Variants in VPS45 observed in about 807,000 individuals in gnomAD.
VPS45 encodes the protein vacuolar protein sorting 45 homolog, also known as vacuolar protein sorting-associated protein 45.
VPS45 carries 35 observed loss-of-function variants against 75.9 expected under a neutral mutation model. The observed-to-expected ratio is 0.46, with a 90% CI of 0.35 to 0.61. VPS45 has a LOEUF of 0.61. Among genes scored for constraint, VPS45 ranks in the 20% least tolerant of loss-of-function variants. The probability of loss-of-function intolerance (pLI) is 0.00; values close to 1 mark genes in which losing one functional copy is unlikely to be tolerated. For synonymous variants in VPS45, 220 were observed against 238.2 expected (o/e 0.92, Z 0.70); for missense variants, 559 against 685.9 (o/e 0.81, Z 2.07).
chr1:150,082,644 C>A, intron 9 of VPS45, 72 bp from the exon 10 acceptor site: 1 of 1,530,772 alleles, frequency 6.5e-7, no homozygotes. Context: ...CTTTCCCCAA[C>A]CCCCATTCAG....
chr1:150,081,346 C>A lies in VPS45; in HGVS notation c.692C>A (p.Thr231Lys). ...TTTTCATAATTCTTTATTTAGTGGACATATCAGGCCATGGTCCACGAACTA... is the reference window on the plus strand; with the variant it reads ...TTTTCATAATTCTTTATTTAGTGGAAATATCAGGCCATGGTCCACGAACTA... ...DAITPLLNQWTYQAMVHELLG... is the reference protein window; with the variant it reads ...DAITPLLNQWKYQAMVHELLG... Residue 231 changes from threonine (T) to lysine (K), a missense_variant, in exon 8 of 15, where the codon ACA becomes AAA. Transcript: ENST00000644510. The A allele has an allele frequency of 1.3e-6, 2 of 1,592,876 alleles. No individual in the cohort carries two copies. Among genetic ancestry groups the A allele is most frequent in the Non-Finnish European group, 1.7e-6 (2 of 1,173,442 alleles).
chr1:150,114,616 C>T (rs1553807877), intron 14 of VPS45, among the ~76,000 whole-genome samples: 1 of 143,722 alleles, frequency 7.0e-6, no homozygotes, highest in African/African-American at 2.6e-5. Context: ...TGGGCATGGA[C>T]TAGGCATGGT....
chr1:150,143,416 C>T (rs1394940531), intron 14 of VPS45, among the ~76,000 whole-genome samples: 1 of 151,970 alleles, frequency 6.6e-6, no homozygotes, highest in African/African-American at 2.4e-5. Context: ...ATGGTGAAAC[C>T]CGTCTCTACT....
chr1:150,143,244 T>C (rs1397365912), intron 14 of VPS45, among the ~76,000 whole-genome samples: 3 of 152,184 alleles, frequency 2.0e-5, no homozygotes, highest in African/African-American at 7.2e-5. Context: ...TATGTATGTA[T>C]GAATGAGACC....
At chr1:150,068,883 GT>G in intron 2 of VPS45, 119 bp downstream of exon 2, 1 of 1,099,188 alleles carries the variant, frequency 9.1e-7, no homozygotes, top group Non-Finnish European at 1.3e-6. Flanking sequence ...AATTATCCTG[GT>G]TCATCAGTGT....
rs1553799758 is a variant in VPS45 at position 150,082,833 on chromosome 1, G to A, written c.1054G>A (p.Glu352Lys). 6.2e-7 allele frequency: 1 copy of A among 1,614,206 alleles called. No individual in the cohort carries two copies. Among genetic ancestry groups the A allele is most frequent in the South Asian group, 1.1e-5 (1 of 91,088 alleles). The stretch of plus-strand genomic sequence containing the variant: ...TGAACGGAATCTGCTGGAGGTTTCA[G>A]AGGTTGAGCAAGAACTGGCCTGTCA... ...VSERNLLEVS[E>K]VEQELACQND... The change falls in exon 10 of 15, where the codon GAG (glutamate) becomes AAG (lysine). Residue 352 changes from glutamate (E) to lysine (K), a missense_variant. Physicochemically the swap from Glu to Lys is moderately conservative, Grantham distance 56 (BLOSUM62 1). Coordinates refer to ENST00000644510, the MANE Select transcript of VPS45 (RefSeq NM_007259.5).
intron 10 of VPS45, among the ~76,000 whole-genome samples, chr1:150,085,253 A>G (rs1553800450): frequency 6.6e-6 from 1 of 152,026 alleles, no homozygotes; most frequent in African/African-American, 2.4e-5. Flanking sequence ...TTTCTTTATC[A>G]TTTGATTTTT....
chr1:150,108,287 A>G (rs1553806358), intron 13 of VPS45, among the ~76,000 whole-genome samples: 1 of 152,214 alleles, frequency 6.6e-6, no homozygotes, highest in African/African-American at 2.4e-5. Context: ...TACAACCAAA[A>G]AATGGTGTGA....
intron 14 of VPS45, among the ~76,000 whole-genome samples, chr1:150,132,026 T>C (rs1658865197): frequency 6.6e-6 from 1 of 152,204 alleles, no homozygotes; most frequent in South Asian, 2.1e-4. Context: ...AGATGTTATC[T>C]AGTTTCAAAG....
chr1:150,134,488 C>A (rs1355602952), intron 14 of VPS45, among the ~76,000 whole-genome samples: 2 of 152,130 alleles, frequency 1.3e-5, no homozygotes, highest in African/African-American at 4.8e-5. Flanking sequence ...TAGATGTATC[C>A]ATGTGTTCCT....
intron 2 of VPS45, 34 bp downstream of exon 2, chr1:150,068,798 C>T (rs781845127): frequency 1.3e-6 from 2 of 1,545,748 alleles, no homozygotes; most frequent in Non-Finnish European, 1.7e-6. Flanking sequence ...TCTGCCCAGG[C>T]AGATGCAGAA....
At chr1:150,102,035 G>C (rs1657050445) in intron 13 of VPS45, among the ~76,000 whole-genome samples, 1 of 149,986 alleles carries the variant, frequency 6.7e-6, no homozygotes, top group Non-Finnish European at 1.5e-5. Context: ...TCAGTAGTTC[G>C]AGACCAGCCT....
chr1:150,129,918 C>A (rs985053530), intron 14 of VPS45, among the ~76,000 whole-genome samples: 8 of 149,950 alleles, frequency 5.3e-5, no homozygotes, highest in South Asian at 4.2e-4. Context: ...GTGGTGTGAT[C>A]ATAGTTCACT....
At chr1:150,131,814 C>T (rs190953965) in intron 14 of VPS45, among the ~76,000 whole-genome samples, 1 of 152,150 alleles carries the variant, frequency 6.6e-6, no homozygotes, top group Non-Finnish European at 1.5e-5. Context: ...CCACTGCACT[C>T]CAGCCTGTGT....
chr1:150,109,256 C>G (rs1371670693), intron 13 of VPS45: 4 of 152,166 alleles, frequency 2.6e-5, no homozygotes, highest in Admixed American at 1.3e-4. Context: ...GTTTCAAACT[C>G]CTGACCTCAA....
chr1:150,129,660 A>G (rs1553811752), intron 14 of VPS45, among the ~76,000 whole-genome samples: 1 of 151,520 alleles, frequency 6.6e-6, no homozygotes, highest in African/African-American at 2.4e-5. Flanking sequence ...CCCAGGTTCA[A>G]GCGATTCTCC....
chr1:150,072,175 G>C lies in VPS45; in HGVS notation c.238G>C (p.Asp80His), dbSNP rs782806219. ...CFLRPTKENV[D>H]YIIQELRRPK... ...GTTCTTCATTTTCTAGGAGAATGTG[G>C]ATTATATTATTCAGGAGCTCCGAAG... The change falls in exon 3 of 15, where the codon GAT becomes CAT. Residue 80 changes from aspartate (D) to histidine (H), a missense_variant. Transcript: ENST00000644510. 1 of 1,605,652 alleles carries C rather than the reference G, an allele frequency of 6.2e-7. No individual in the cohort carries two copies.
At chr1:150,083,237 T>C (rs1435636521) in intron 10 of VPS45, 3 of 169,498 alleles carry the variant, frequency 1.8e-5, no homozygotes, top group Non-Finnish European at 3.8e-5. Context: ...ATTTGTAAAA[T>C]AGGTATATTA....
At chr1:150,140,427 GTATT>G (rs1659337267) in intron 14 of VPS45, among the ~76,000 whole-genome samples, 1 of 148,728 alleles carries the variant, frequency 6.7e-6, no homozygotes, top group Non-Finnish European at 1.5e-5. Context: ...GTGTGTGTGT[GTATT>G]TAAAGTGGAA....
Sources: gnomAD v4.1 joint callset for allele counts (sites outside exome capture counted in the v4.1 genomes callset) on GRCh38, gnomAD v4.1.1 for gene constraint, MANE v1.5 for transcripts, NCBI Gene and HGNC (gene_info 2026-07-23, HGNC 2026-07-21) for gene names.